Variants in EML5 observed in about 807,000 individuals in gnomAD.
The protein encoded by EML5 is EMAP like 5.
Under a neutral mutation model 250.0 loss-of-function variants are expected in EML5, and 120 were observed. The ratio of observed to expected loss-of-function variants is 0.48; its 90% CI spans 0.41 to 0.56. The LOEUF (loss-of-function observed/expected upper bound fraction) is 0.56, where lower values mean the gene tolerates loss of function less well. Among genes scored for constraint, EML5 ranks in the 20% least tolerant of loss-of-function variants. The pLI is 0.00. For synonymous variants in EML5, 771 were observed against 806.5 expected (o/e 0.96, Z 0.75); for missense variants, 2,006 against 2,437.6 (o/e 0.82, Z 3.73).
chr14:88,792,289 G>GCCC lies in EML5; in HGVS notation c.197+15_197+17dup, dbSNP rs2094618390. 4 of 1,545,538 alleles carry GCCC rather than the reference G, an allele frequency of 2.6e-6. No individual in the cohort carries two copies. Among genetic ancestry groups the GCCC allele is most frequent in the Non-Finnish European group, 3.5e-6 (4 of 1,146,974 alleles). ...AGCGGCTTGCAGGGTGACGGCGGCG[G>GCCC]CCCCCGCTCCCCGGTACCTGATGAT... On this transcript the variant is annotated intron_variant, in intron 1 of 43. Coordinates refer to ENST00000554922, the MANE Select transcript of EML5 (RefSeq NM_183387.3). This position sits in a 1 kb window ranked among gnomAD's most constrained non-coding sequence, Gnocchi z 6.9.
chr14:88,773,194 T>C (rs998909064), intron 1 of EML5, among the ~76,000 whole-genome samples: 1 of 152,194 alleles, frequency 6.6e-6, no homozygotes, highest in African/African-American at 2.4e-5. Flanking sequence ...CACTGGGTCA[T>C]AGTACACCTC....
chr14:88,712,523 A>T, intron 9 of EML5, 40 bp from the exon 10 acceptor site: 1 of 1,531,716 alleles, frequency 6.5e-7, no homozygotes. Context: ...AAGTTATTTC[A>T]TTTGATTTTC....
chr14:88,740,616 A>C, intron 4 of EML5, 44 bp from the exon 5 acceptor site: 1 of 1,457,410 alleles, frequency 6.9e-7, no homozygotes, highest in Non-Finnish European at 9.2e-7. Context: ...GAATTCTTAT[A>C]AAATAAAGTA....
chr14:88,787,577 C>T (rs7160983), intron 1 of EML5, among the ~76,000 whole-genome samples: 97,158 of 152,060 alleles, frequency 0.64, 33,040 homozygotes, highest in East Asian at 0.94. Flanking sequence ...TCTATTACAA[C>T]TTCAACTATT....
intron 17 of EML5, among the ~76,000 whole-genome samples, chr14:88,689,617 C>G (rs1288423794): frequency 6.6e-6 from 1 of 152,040 alleles, no homozygotes; most frequent in Admixed American, 6.6e-5. Context: ...GCCTGTGGTC[C>G]CAGCCACTTG....
At chr14:88,691,154 AT>A (rs1016683888) in intron 17 of EML5, among the ~76,000 whole-genome samples, 2 of 152,074 alleles carry the variant, frequency 1.3e-5, no homozygotes, top group African/African-American at 4.8e-5. Flanking sequence ...AGCTGCCCAA[AT>A]TCAGAAGGTT....
chr14:88,686,962 T>A (rs1353135060), intron 19 of EML5, among the ~76,000 whole-genome samples: 1 of 152,240 alleles, frequency 6.6e-6, no homozygotes, highest in East Asian at 1.9e-4. Context: ...GAAATTTTCT[T>A]TGGAAAATTA....
chr14:88,775,048 C>T (rs1202960587), intron 1 of EML5, among the ~76,000 whole-genome samples: 1 of 152,224 alleles, frequency 6.6e-6, no homozygotes, highest in East Asian at 1.9e-4. Flanking sequence ...GAAGGACCTA[C>T]TCCTGGCAGC....
intron 26 of EML5, 61 bp downstream of exon 26, chr14:88,658,126 C>T: frequency 6.5e-7 from 1 of 1,538,358 alleles, no homozygotes; most frequent in African/African-American, 1.4e-5. Flanking sequence ...ACTTCCACAG[C>T]TTAAACAAGT....
chr14:88,706,568 C>T, intron 10 of EML5, 142 bp from the exon 11 acceptor site: 1 of 599,498 alleles, frequency 1.7e-6, no homozygotes, highest in African/African-American at 1.9e-5. Context: ...AAAAATTGAA[C>T]AAATGAATGA....
chr14:88,654,298 C>A (rs1287681), intron 27 of EML5, among the ~76,000 whole-genome samples: 7,485 of 151,724 alleles, frequency 0.049, 488 homozygotes, highest in South Asian at 0.14. Context: ...GTGCTCTGAT[C>A]TTTATTTCTT....
At chr14:88,619,798 G>A (rs2140291599) in intron 39 of EML5, 1 of 152,302 alleles carries the variant, frequency 6.6e-6, no homozygotes, top group South Asian at 2.1e-4. Context: ...CTGAGTAGCT[G>A]GGATTACAGG....
chr14:88,613,196 G>C lies in EML5; in HGVS notation c.*2622C>G, dbSNP rs1255067532. On this transcript the variant is annotated 3_prime_UTR_variant, in exon 44 of 44. Coordinates refer to ENST00000554922, the MANE Select transcript of EML5 (RefSeq NM_183387.3). ...ATCCCACAGGAAAGGCTTGAAACAC[G>C]AGAAGCAGCAAAGACAGAGCACACA... is the stretch of plus-strand genomic sequence containing the variant. 1 of 152,128 alleles carries C rather than the reference G, an allele frequency of 6.6e-6. No homozygotes were observed. 9.4% of individuals were successfully genotyped at this position (152,128 alleles called of 1,614,324 possible).
At chr14:88,765,834 C>G (rs2094312859) in intron 1 of EML5, among the ~76,000 whole-genome samples, 2 of 152,148 alleles carry the variant, frequency 1.3e-5, no homozygotes, top group Admixed American at 6.5e-5. Context: ...TTCCAACATT[C>G]TATTTGTTTT....
At chr14:88,780,997 C>T (rs1376468974) in intron 1 of EML5, among the ~76,000 whole-genome samples, 1 of 152,158 alleles carries the variant, frequency 6.6e-6, no homozygotes, top group African/African-American at 2.4e-5. Flanking sequence ...TACTATATAA[C>T]CTAGCCAAGA....
chr14:88,788,352 T>C (rs760312731), intron 1 of EML5, among the ~76,000 whole-genome samples: 1 of 152,194 alleles, frequency 6.6e-6, no homozygotes, highest in Non-Finnish European at 1.5e-5. Context: ...AAGAACACGA[T>C]TTACCACAAA....
At chr14:88,656,592 T>C (rs975479479) in intron 27 of EML5, among the ~76,000 whole-genome samples, 3 of 152,108 alleles carry the variant, frequency 2.0e-5, no homozygotes, top group Non-Finnish European at 4.4e-5. Flanking sequence ...GTTCTGCACA[T>C]GTATCCCAGA....
At position 88,715,320 on chromosome 14, in the gene EML5, A is replaced by G. The variant is rs1448668578; in HGVS notation, c.1188-125T>C. 6.5e-6 allele frequency: 6 copies of G among 927,918 alleles called. No individual in the cohort carries two copies. In the African/African-American group the frequency reaches 1.0e-4, roughly 16 times the overall value. 57.5% of individuals were successfully genotyped at this position (927,918 alleles called of 1,614,324 possible). ...TTTATAAACTATAAAGTAAACATAA[A>G]TAACACAAGTAGTATTAATTCAGCA... On this transcript the variant is annotated intron_variant, in intron 8 of 43. Coordinates refer to ENST00000554922, the MANE Select transcript of EML5 (RefSeq NM_183387.3).
At chr14:88,763,310 T>C (rs913311723) in intron 1 of EML5, among the ~76,000 whole-genome samples, 1 of 151,766 alleles carries the variant, frequency 6.6e-6, no homozygotes, top group Non-Finnish European at 1.5e-5. Flanking sequence ...CAATAAAAAA[T>C]GATAAAGAGG....
Sources: allele counts gnomAD v4.1 joint callset (sites outside exome capture counted in the v4.1 genomes callset), GRCh38; gene constraint gnomAD v4.1.1; non-coding constraint Gnocchi (gnomAD v3.1); transcripts MANE v1.5; gene names NCBI Gene and HGNC (gene_info 2026-07-23, HGNC 2026-07-21).